FAM193A: variants seen among roughly 807,000 people sequenced by gnomAD.
The protein encoded by FAM193A is protein FAM193A.
In FAM193A, 22 loss-of-function variants were observed where a neutral mutation model predicts 126.5. The ratio of observed to expected loss-of-function variants is 0.17; its 90% confidence interval spans 0.12 to 0.25. The LOEUF is 0.25. FAM193A is among the 10% of genes least tolerant of loss of function. The pLI is 1.00. For synonymous variants in FAM193A, 761 were observed against 646.8 expected (o/e 1.18, Z -2.68); for missense variants, 1,675 against 1,672.8 (o/e 1.00, Z -0.02).
At chr4:2,661,556 GGAA>G (rs1712447735) in intron 10 of FAM193A, among the ~76,000 whole-genome samples, 2 of 152,150 alleles carry the variant, frequency 1.3e-5, no homozygotes, top group African/African-American at 2.4e-5. Context: ...TGGGCCTGCA[GGAA>G]GCCCTAGGAC....
intron 1 of FAM193A, among the ~76,000 whole-genome samples, chr4:2,569,106 A>G (rs1739142166): frequency 6.6e-6 from 1 of 150,444 alleles, no homozygotes; most frequent in Non-Finnish European, 1.5e-5. Flanking sequence ...AGTAACTGGG[A>G]CTACAGGTGT....
At chr4:2,558,263 C>T (rs1728273) in intron 1 of FAM193A, among the ~76,000 whole-genome samples, 147,921 of 150,214 alleles carry the variant, frequency 0.98, 72,858 homozygotes, top group Middle Eastern at 1. Context: ...AGCGAGACTG[C>T]ATCTCAAATG....
At chr4:2,639,641 G>A (rs1744409859) in intron 5 of FAM193A, 94 bp from the exon 6 acceptor site, 1 of 933,594 alleles carries the variant, frequency 1.1e-6, no homozygotes, top group Non-Finnish European at 1.6e-6. Flanking sequence ...GTGGTGGGGG[G>A]AAATGGGGAG....
At chr4:2,576,605 A>G (rs760027254) in intron 1 of FAM193A, among the ~76,000 whole-genome samples, 1 of 151,902 alleles carries the variant, frequency 6.6e-6, no homozygotes, top group Non-Finnish European at 1.5e-5. Flanking sequence ...CTGGAGAACA[A>G]TGATGCTATT....
intron 2 of FAM193A, among the ~76,000 whole-genome samples, chr4:2,615,974 G>A (rs1416594092): frequency 3.9e-5 from 6 of 152,084 alleles, no homozygotes; most frequent in Non-Finnish European, 8.8e-5. Context: ...ACCATGCCCG[G>A]CTAATGTTTG....
chr4:2,593,356 C>T (rs1403614102), intron 1 of FAM193A, among the ~76,000 whole-genome samples: 3 of 152,192 alleles, frequency 2.0e-5, no homozygotes, highest in African/African-American at 7.2e-5. Flanking sequence ...CCCATCTCTC[C>T]TTCTGCTCTT....
intron 1 of FAM193A, among the ~76,000 whole-genome samples, chr4:2,566,831 A>G (rs935697443): frequency 1.3e-5 from 2 of 152,224 alleles, no homozygotes; most frequent in African/African-American, 2.4e-5. Context: ...TTTTGTAACA[A>G]TAGTGTCTTG....
rs531140278 is a variant in FAM193A at position 2,710,300 on chromosome 4, G to A, written c.4373-5723G>A. ...AGCTATTCTCCTGCCTCAGCCTCCC[G>A]AGTAGCTGAGATTATAGGCGCGTGT... On this transcript the variant is annotated intron_variant, in intron 19 of 20. Coordinates refer to ENST00000637812, the MANE Select transcript of FAM193A (RefSeq NM_001366318.2). Among the ~76,000 whole-genome samples, 12 of 147,688 alleles carry A rather than the reference G, an allele frequency of 8.1e-5. No individual in the cohort carries two copies. In the South Asian group the frequency reaches 2.0e-3, roughly 24 times the overall value.
At chr4:2,562,302 A>G (rs1448252049) in intron 1 of FAM193A, among the ~76,000 whole-genome samples, 1 of 152,036 alleles carries the variant, frequency 6.6e-6, no homozygotes, top group Non-Finnish European at 1.5e-5. Context: ...TATAGAAAAA[A>G]TCAGCTGGCT....
At chr4:2,609,080 G>A (rs116619936) in intron 2 of FAM193A, among the ~76,000 whole-genome samples, 2,507 of 151,730 alleles carry the variant, frequency 0.017, 53 homozygotes, top group African/African-American at 0.048. Flanking sequence ...TTTTCATAGA[G>A]GTGGGGTTTC....
intron 1 of FAM193A, among the ~76,000 whole-genome samples, chr4:2,540,400 G>A (rs570098714): frequency 5.3e-5 from 8 of 149,772 alleles, no homozygotes; most frequent in Non-Finnish European, 7.4e-5. Context: ...CCTGGGAGGC[G>A]GAGCTTGCAG....
intron 20 of FAM193A, among the ~76,000 whole-genome samples, chr4:2,724,647 G>C (rs889324032): frequency 1.3e-5 from 2 of 152,180 alleles, no homozygotes; most frequent in Non-Finnish European, 2.9e-5. Context: ...CCAGGAGTTT[G>C]AGGTGTGAGC....
intron 19 of FAM193A, among the ~76,000 whole-genome samples, chr4:2,706,210 A>G (rs1162576281): frequency 2.6e-5 from 4 of 152,160 alleles, no homozygotes; most frequent in Admixed American, 2.0e-4. Context: ...TGTTTCTACA[A>G]AAACAAAAAT....
intron 2 of FAM193A, among the ~76,000 whole-genome samples, chr4:2,615,792 C>T (rs1577077774): frequency 6.6e-6 from 1 of 152,150 alleles, no homozygotes; most frequent in Non-Finnish European, 1.5e-5. Flanking sequence ...GCTGGGATTA[C>T]AGGCAAGAGC....
intron 11 of FAM193A, 35 bp downstream of exon 11, chr4:2,663,026 G>A: frequency 1.9e-6 from 3 of 1,598,594 alleles, no homozygotes; most frequent in East Asian, 2.2e-5. Flanking sequence ...AACAATAAAT[G>A]ACATAAAATG....
At chr4:2,701,944 T>C (rs1717782714) in intron 19 of FAM193A, among the ~76,000 whole-genome samples, 1 of 152,026 alleles carries the variant, frequency 6.6e-6, no homozygotes, top group African/African-American at 2.4e-5. Flanking sequence ...ACCCGGCTAA[T>C]TTTGTGTAGT....
intron 7 of FAM193A, among the ~76,000 whole-genome samples, chr4:2,651,969 T>TG (rs1745715469): frequency 6.6e-6 from 1 of 152,166 alleles, no homozygotes; most frequent in Non-Finnish European, 1.5e-5. Context: ...GGCTGTAGTG[T>TG]GGAGATGAGT....
At chr4:2,572,616 G>T (rs1739357731) in intron 1 of FAM193A, among the ~76,000 whole-genome samples, 1 of 152,062 alleles carries the variant, frequency 6.6e-6, no homozygotes, top group Non-Finnish European at 1.5e-5. Flanking sequence ...CTGTGCCACA[G>T]CCTGGTGTGG....
chr4:2,549,470 C>T (rs1243476747), intron 1 of FAM193A, among the ~76,000 whole-genome samples: 3 of 137,798 alleles, frequency 2.2e-5, no homozygotes, highest in African/African-American at 8.1e-5. Flanking sequence ...GATCTCGGCT[C>T]ACTGCAAGCT....
Sources: gnomAD v4.1 joint callset for allele counts (sites outside exome capture counted in the v4.1 genomes callset) on GRCh38, gnomAD v4.1.1 for gene constraint, MANE v1.5 for transcripts, NCBI Gene and HGNC (gene_info 2026-07-23, HGNC 2026-07-21) for gene names.